PLEKHS1: variants seen among roughly 807,000 people sequenced by gnomAD.
The protein encoded by PLEKHS1 is pleckstrin homology domain-containing family S member 1.
A neutral mutation model predicts 51.0 loss-of-function variants in PLEKHS1; 55 were observed. The ratio of observed to expected loss-of-function variants is 1.08; its 90% CI spans 0.87 to 1.35. The LOEUF (loss-of-function observed/expected upper bound fraction) is 1.35. Among genes scored for constraint, PLEKHS1 ranks in the 40% most tolerant of loss-of-function variants. PLEKHS1 has a pLI of 0.00. For missense variants in PLEKHS1, 398 were observed against 423.0 expected, an observed-to-expected ratio of 0.94 and a Z score of 0.52; for synonymous variants, 153 against 144.8, an observed-to-expected ratio of 1.06 and a Z score of -0.41.
At chr10:113,753,027 G>A (rs1039229101) in intron 1 of PLEKHS1, among the ~76,000 whole-genome samples, 1 of 152,152 alleles carries the variant, frequency 6.6e-6, no homozygotes, top group Non-Finnish European at 1.5e-5. Context: ...GTATGCAAAT[G>A]CATTTTATAA....
chr10:113,766,489 TCTC>T (rs1844167633), exon 3 of PLEKHS1: 1 of 1,602,362 alleles, frequency 6.2e-7, no homozygotes, highest in South Asian at 1.1e-5. Context: ...TCTCAGCTGT[TCTC>T]CTCTGTGGTA....
intron 2 of PLEKHS1, among the ~76,000 whole-genome samples, chr10:113,756,842 C>T (rs1411113839): frequency 2.0e-5 from 3 of 151,138 alleles, no homozygotes; most frequent in East Asian, 3.9e-4. Flanking sequence ...ACCTTGACCG[C>T]GTATGACAAG....
intron 1 of PLEKHS1, among the ~76,000 whole-genome samples, chr10:113,754,939 A>C (rs573154212): frequency 6.6e-6 from 1 of 152,296 alleles, no homozygotes; most frequent in African/African-American, 2.4e-5. Flanking sequence ...TTGTGTTGCC[A>C]TCCGCCAGCT....
rs573119992 is a variant in PLEKHS1 at position 113,753,767 on chromosome 10, C to T, written c.-19-1492C>T. 1.1e-4 allele frequency among the ~76,000 whole-genome samples: 16 copies of T among 152,056 alleles called. No individual in the cohort carries two copies. In the East Asian group the frequency reaches 2.1e-3, roughly 20 times the overall value. Reference sequence around the variant, plus strand: ...AGCATATCTTAGAACTTGTCTTAATCTTAGGATTTTCATCTCTGAACACAT... The same window carrying T: ...AGCATATCTTAGAACTTGTCTTAATTTTAGGATTTTCATCTCTGAACACAT... On this transcript the variant is annotated intron_variant, in intron 1 of 11. Coordinates refer to ENST00000361048, the Ensembl canonical transcript of PLEKHS1.
intron 6 of PLEKHS1, 91 bp downstream of exon 6, chr10:113,768,981 T>C (rs1157132091): frequency 2.4e-6 from 2 of 845,098 alleles, no homozygotes; most frequent in Non-Finnish European, 1.8e-6. Flanking sequence ...GCCTCCTTAG[T>C]AACTGGCTTT....
At chr10:113,777,872 C>T (rs1844745436) in intron 11 of PLEKHS1, 3 of 1,039,620 alleles carry the variant, frequency 2.9e-6, no homozygotes, top group Admixed American at 3.2e-5. Context: ...CACCTGTAAT[C>T]CCAGCACTTC....
rs758417507 is a variant in PLEKHS1, at chr10:113,766,400, A to C, written c.29-11A>C. On this transcript the variant is annotated splice_polypyrimidine_tract_variant and intron_variant, in intron 2 of 11. Transcript: ENST00000361048. ...ATGAGGAACAAACTGAGTTCTGTTC[A>C]CTTTTATTAGGCAAACAATTTACAT... is the stretch of plus-strand genomic sequence containing the variant. 14 of 1,500,280 alleles carry C rather than the reference A, an allele frequency of 9.3e-6. No homozygotes were observed. In the South Asian group the frequency reaches 1.3e-4, roughly 14 times the overall value. The allele number at this position is 1,500,280 out of a possible 1,614,324, so 92.9% of individuals were successfully genotyped here. A position where few individuals can be genotyped will look rare whatever the true frequency, so the allele number is the denominator to read the frequency against.
chr10:113,774,813 T>A lies in PLEKHS1; in HGVS notation c.780-13T>A. On this transcript the variant is annotated splice_polypyrimidine_tract_variant and intron_variant, in intron 9 of 11. Transcript: ENST00000361048. ...TGCTAAAATAGGGCTTGTTTTAACT[T>A]CTTATGCTCTAGTTTTTTCAAAGAG... 6.2e-7 allele frequency: 1 copy of A among 1,609,724 alleles called. No individual in the cohort carries two copies. The highest frequency in any genetic ancestry group is 2.2e-5 in the East Asian group (1 of 44,858).
exon 5 of PLEKHS1, chr10:113,767,354 T>G (rs755681942): frequency 1.1e-5 from 18 of 1,605,442 alleles, no homozygotes; most frequent in Non-Finnish European, 1.5e-5. Context: ...GAAATTCCAG[T>G]GTAGAAGTTG....
At chr10:113,758,139 G>T (rs1248690817) in intron 2 of PLEKHS1, among the ~76,000 whole-genome samples, 1 of 152,128 alleles carries the variant, frequency 6.6e-6, no homozygotes, top group Non-Finnish European at 1.5e-5. Context: ...CTCCTTCTAG[G>T]AATCATGAAT....
chr10:113,775,091 C>T (rs911175638), intron 10 of PLEKHS1, 56 bp downstream of exon 10: 1 of 1,454,730 alleles, frequency 6.9e-7, no homozygotes, highest in African/African-American at 1.4e-5. Flanking sequence ...AGCCTCCCTC[C>T]CACTTTTTTT....
intron 2 of PLEKHS1, 60 bp from the exon 3 acceptor site, chr10:113,766,351 T>G (rs1844159327): frequency 9.8e-7 from 1 of 1,023,384 alleles, no homozygotes; most frequent in East Asian, 2.4e-5. Context: ...GTTTTCCAAT[T>G]GAGGCAGTTC....
Position 113,758,810 on chromosome 10 carries a change from CATTCATACTGTCCCA to C in PLEKHS1, c.28+3507_28+3521del, listed in dbSNP as rs370241614. Among the ~76,000 whole-genome samples the C allele has an allele frequency of 1.5e-4, 23 of 152,186 alleles. No homozygotes were observed. The South Asian group carries it at 1.9e-3, about 12-fold the overall frequency. On this transcript the variant is annotated intron_variant, in intron 2 of 11. Transcript: ENST00000361048. ...GAAGTTCACCATCTTATATGGGCAC[CATTCATACTGTCCCA>C]AAACAATTACTCAAAGATCACTCAT...
chr10:113,752,784 C>A (rs994506147), intron 1 of PLEKHS1, among the ~76,000 whole-genome samples: 1 of 152,142 alleles, frequency 6.6e-6, no homozygotes, highest in African/African-American at 2.4e-5. Context: ...GACTCTGGAG[C>A]CCTTTGCAGA....
chr10:113,776,008 C>CA (rs1844638154), intron 11 of PLEKHS1, 142 bp downstream of exon 11: 3 of 551,468 alleles, frequency 5.4e-6, no homozygotes, highest in African/African-American at 1.9e-5. Context: ...GCTGTTGTTA[C>CA]AAAAAAATCT....
chr10:113,763,713 T>C (rs1844044438), intron 2 of PLEKHS1, among the ~76,000 whole-genome samples: 1 of 152,234 alleles, frequency 6.6e-6, no homozygotes, highest in African/African-American at 2.4e-5. Context: ...CAAAAGCGTA[T>C]TTCCATTTTT....
At position 113,780,590 on chromosome 10, in the gene PLEKHS1, CTTGTGT is replaced by C; in HGVS notation, c.*-9_*-4del. 1 of 1,609,560 alleles carries C rather than the reference CTTGTGT, an allele frequency of 6.2e-7. No individual in the cohort carries two copies. Among genetic ancestry groups the C allele is most frequent in the South Asian group, 1.1e-5 (1 of 90,950 alleles). ...CTTTAGCCATTTAACTTTCTTCTTTCTTGTGTTTTAGAAATTAAAGCTTACCATCGG... is the reference window on the plus strand; with the variant it reads ...CTTTAGCCATTTAACTTTCTTCTTTCTTTAGAAATTAAAGCTTACCATCGG... On this transcript the variant is annotated splice_region_variant and splice_polypyrimidine_tract_variant and intron_variant, in intron 11 of 11. Transcript: ENST00000361048.
intron 2 of PLEKHS1, among the ~76,000 whole-genome samples, chr10:113,764,089 A>G (rs1284974353): frequency 6.6e-6 from 1 of 152,088 alleles, no homozygotes; most frequent in East Asian, 1.9e-4. Context: ...AGTACTTTAA[A>G]TATAGTTTGC....
At chr10:113,762,826 G>A (rs12569731) in intron 2 of PLEKHS1, among the ~76,000 whole-genome samples, 2 of 151,850 alleles carry the variant, frequency 1.3e-5, no homozygotes, top group Non-Finnish European at 2.9e-5. Context: ...ATCAGTTAAA[G>A]TTGGTTGGTA....
Sources: allele counts gnomAD v4.1 joint callset (sites outside exome capture counted in the v4.1 genomes callset), GRCh38; gene constraint gnomAD v4.1.1; transcripts MANE v1.5; gene names NCBI Gene and HGNC (gene_info 2026-07-23, HGNC 2026-07-21).